Variants in GPC5 observed in about 807,000 individuals in gnomAD.
GPC5 encodes glypican-5.
A neutral mutation model predicts 53.9 loss-of-function variants in GPC5; 47 were observed. The ratio of observed to expected loss-of-function variants is 0.87; its 90% CI spans 0.69 to 1.11. GPC5 has a LOEUF of 1.11. Among genes scored for constraint, GPC5 ranks in the 50% most tolerant of loss-of-function variants. The pLI, the probability that GPC5 is intolerant of heterozygous loss-of-function variation, is 0.00. For synonymous variants in GPC5, 286 were observed against 263.3 expected (o/e 1.09, Z -0.84); for missense variants, 748 against 713.1 (o/e 1.05, Z -0.56).
At chr13:92,645,087 A>G (rs1459035077) in intron 7 of GPC5, among the ~76,000 whole-genome samples, 3 of 152,202 alleles carry the variant, frequency 2.0e-5, no homozygotes, top group Non-Finnish European at 4.4e-5. Context: ...GCATAGTTAC[A>G]TAGGCCCTAC....
chr13:92,577,412 A>ATGTGTGTGTG lies in GPC5; in HGVS notation c.1562-288867_1562-288866insGTGTGTGTGT, dbSNP rs1198171581. ...TCGACATGAATGAATGTAAGTATGT[A>ATGTGTGTGTG]TGTATATGTGTGTGTGTGTGTGTGT... On this transcript the variant is annotated intron_variant, in intron 7 of 7. Transcript: ENST00000377067. Among the ~76,000 whole-genome samples the ATGTGTGTGTG allele has an allele frequency of 1.3e-3, 137 of 107,368 alleles. 1 individual carries two copies. The highest frequency in any genetic ancestry group is 4.4e-3 in the African/African-American group (132 of 30,052). 70.4% of individuals were successfully genotyped at this position (107,368 alleles called of 152,430 possible).
At chr13:92,737,425 C>T (rs912776873) in intron 7 of GPC5, among the ~76,000 whole-genome samples, 6 of 152,064 alleles carry the variant, frequency 3.9e-5, no homozygotes, top group Non-Finnish European at 4.4e-5. Flanking sequence ...CCAGAAGATG[C>T]CCGGAAATTC....
intron 6 of GPC5, among the ~76,000 whole-genome samples, chr13:92,107,152 G>C (rs1439364061): frequency 6.6e-6 from 1 of 151,972 alleles, no homozygotes; most frequent in African/African-American, 2.4e-5. Context: ...TGTCAGAAAT[G>C]AATTAAAATT....
Position 91,509,682 on chromosome 13 carries a change from A to G in GPC5, c.325+60760A>G, listed in dbSNP as rs991551694. ...ATATTTCTTAACTCTTTCTAAAGTA[A>G]CATTTTTATTCAAAGCCATTTTAGT... On this transcript the variant is annotated intron_variant, in intron 2 of 7. Coordinates refer to ENST00000377067, the MANE Select transcript of GPC5 (RefSeq NM_004466.6). Among the ~76,000 whole-genome samples the G allele has an allele frequency of 2.6e-5, 4 of 152,072 alleles. No individual in the cohort carries two copies. The East Asian group carries it at 7.7e-4, about 29-fold the overall frequency.
chr13:91,985,076 C>T (rs11839471), intron 6 of GPC5, among the ~76,000 whole-genome samples: 2,638 of 152,212 alleles, frequency 0.017, 69 homozygotes, highest in African/African-American at 0.06. Flanking sequence ...TATGATTATG[C>T]ATTTGTCTAA....
At chr13:92,383,637 A>G (rs984859690) in intron 7 of GPC5, among the ~76,000 whole-genome samples, 2 of 152,220 alleles carry the variant, frequency 1.3e-5, no homozygotes, top group African/African-American at 4.8e-5. Flanking sequence ...GTTTTAGTCA[A>G]CAATCTGTTT....
intron 2 of GPC5, among the ~76,000 whole-genome samples, chr13:91,493,897 C>CA (rs1884081443): frequency 6.6e-6 from 1 of 151,780 alleles, no homozygotes; most frequent in Non-Finnish European, 1.5e-5. Flanking sequence ...TTATTTAAGA[C>CA]AGAGTCTCAC....
At position 92,068,740 on chromosome 13, in the gene GPC5, T is replaced by A. The variant is rs192819627; in HGVS notation, c.1402-76090T>A. ...AATATAGTTAATTACAATAATTGAT[T>A]TTGTGATATTAAAATAATATTTCAT... On this transcript the variant is annotated intron_variant, in intron 6 of 7. Coordinates refer to ENST00000377067, the MANE Select transcript of GPC5 (RefSeq NM_004466.6). 4.8e-3 allele frequency among the ~76,000 whole-genome samples: 723 copies of A among 151,772 alleles called. 4 individuals are homozygous for A. Among genetic ancestry groups the A allele is most frequent in the African/African-American group, 0.016 (669 of 41,538 alleles).
intron 6 of GPC5, among the ~76,000 whole-genome samples, chr13:91,932,568 T>C (rs1316327024): frequency 6.6e-6 from 1 of 152,072 alleles, no homozygotes; most frequent in Non-Finnish European, 1.5e-5. Context: ...GTTTCCAATT[T>C]TCATTACAGA....
chr13:91,821,402 A>G (rs1174919140), intron 5 of GPC5, among the ~76,000 whole-genome samples: 1 of 152,226 alleles, frequency 6.6e-6, no homozygotes, highest in Non-Finnish European at 1.5e-5. Flanking sequence ...TTGTCTAGGA[A>G]AAAGGCTCTT....
chr13:92,703,844 A>G (rs1275187354), intron 7 of GPC5, among the ~76,000 whole-genome samples: 1 of 151,984 alleles, frequency 6.6e-6, no homozygotes, highest in Non-Finnish European at 1.5e-5. Context: ...AAATAAAGAA[A>G]TGAGCAAATC....
At chr13:92,606,374 G>A (rs1198964423) in intron 7 of GPC5, among the ~76,000 whole-genome samples, 2 of 152,144 alleles carry the variant, frequency 1.3e-5, no homozygotes, top group Non-Finnish European at 2.9e-5. Context: ...TGCCCAGAAT[G>A]ATGGTTCCCA....
intron 5 of GPC5, among the ~76,000 whole-genome samples, chr13:91,890,110 C>T (rs1594643839): frequency 6.6e-6 from 1 of 152,264 alleles, no homozygotes; most frequent in East Asian, 1.9e-4. Context: ...TCCTTGATTA[C>T]AAGGATCAAT....
At chr13:92,717,102 C>T (rs1373556728) in intron 7 of GPC5, among the ~76,000 whole-genome samples, 4 of 151,806 alleles carry the variant, frequency 2.6e-5, no homozygotes, top group Non-Finnish European at 5.9e-5. Flanking sequence ...CTTCTCAAAC[C>T]GTATTCTTCT....
intron 7 of GPC5, among the ~76,000 whole-genome samples, chr13:92,774,376 C>A (rs931547832): frequency 1.3e-5 from 2 of 152,180 alleles, no homozygotes; most frequent in African/African-American, 2.4e-5. Context: ...ATTTAAACAT[C>A]ACTTTCTGTA....
At chr13:92,531,452 T>A (rs1193932436) in intron 7 of GPC5, among the ~76,000 whole-genome samples, 1 of 151,888 alleles carries the variant, frequency 6.6e-6, no homozygotes, top group African/African-American at 2.4e-5. Flanking sequence ...ACTAATACAC[T>A]AAATATACAT....
At chr13:91,778,011 C>A in intron 5 of GPC5, among the ~76,000 whole-genome samples, 1 of 152,198 alleles carries the variant, frequency 6.6e-6, no homozygotes, top group East Asian at 1.9e-4. Context: ...AGCTCACCCT[C>A]ATAAAACTTG....
chr13:91,822,819 T>G (rs935741846), intron 5 of GPC5, among the ~76,000 whole-genome samples: 2 of 152,186 alleles, frequency 1.3e-5, no homozygotes, highest in Non-Finnish European at 2.9e-5. Flanking sequence ...AGTATGTTCC[T>G]GCACTCTATC....
chr13:92,769,278 T>C (rs932606921), intron 7 of GPC5, among the ~76,000 whole-genome samples: 1 of 152,226 alleles, frequency 6.6e-6, no homozygotes, highest in Non-Finnish European at 1.5e-5. Context: ...TTCTGTAAGA[T>C]GATGCAATCC....
Sources: gnomAD v4.1 joint callset for allele counts (sites outside exome capture counted in the v4.1 genomes callset) on GRCh38, gnomAD v4.1.1 for gene constraint, MANE v1.5 for transcripts, NCBI Gene and HGNC (gene_info 2026-07-23, HGNC 2026-07-21) for gene names.